Variants in KCNH7 observed in about 807,000 individuals in gnomAD.
KCNH7 encodes voltage-gated inwardly rectifying potassium channel KCNH7.
In KCNH7, 49 loss-of-function variants were observed where a neutral mutation model predicts 120.8. The observed-to-expected ratio is 0.41, with a 90% confidence interval of 0.32 to 0.51. The LOEUF is 0.51. KCNH7 is among the 20% of genes least tolerant of loss of function. The probability of loss-of-function intolerance (pLI) is 0.38; values close to 1 mark genes in which losing one functional copy is unlikely to be tolerated. For missense variants in KCNH7, 1,097 were observed against 1,446.6 expected (o/e 0.76, Z 3.92); for synonymous variants, 547 against 516.1 (o/e 1.06, Z -0.81).
rs185660287 is a variant in KCNH7 at position 162,494,721 on chromosome 2, A to T, written c.1128+9722T>A. Among the ~76,000 whole-genome samples, 802 of 152,228 alleles carry T rather than the reference A, an allele frequency of 5.3e-3. 10 individuals are homozygous for T. Among genetic ancestry groups the T allele is most frequent in the Middle Eastern group, 6.8e-3 (2 of 294 alleles). ...GTCTTGCTTTGATCCTTTCCAAAAA[A>T]TGGTTTATAATCAGATATAGGACTT... On this transcript the variant is annotated intron_variant, in intron 6 of 15. Coordinates refer to ENST00000332142, the MANE Select transcript of KCNH7 (RefSeq NM_033272.4).
intron 14 of KCNH7, among the ~76,000 whole-genome samples, chr2:162,377,264 CA>C (rs553339964): frequency 0.075 from 8,547 of 114,590 alleles, 460 homozygotes; most frequent in African/African-American, 0.18. Flanking sequence ...CCCAAACGAG[CA>C]AAAAAAAAAA....
At chr2:162,512,083 C>T (rs1691098773) in intron 5 of KCNH7, among the ~76,000 whole-genome samples, 1 of 151,330 alleles carries the variant, frequency 6.6e-6, no homozygotes, top group South Asian at 2.1e-4. Flanking sequence ...GTAGGTCATG[C>T]CAGTGATTTC....
intron 9 of KCNH7, among the ~76,000 whole-genome samples, chr2:162,418,211 G>A (rs1573934067): frequency 6.6e-6 from 1 of 152,028 alleles, no homozygotes; most frequent in Non-Finnish European, 1.5e-5. Flanking sequence ...AAACCAAAAG[G>A]TGTTGCCAGT....
intron 2 of KCNH7, among the ~76,000 whole-genome samples, chr2:162,697,951 G>A (rs1179031993): frequency 1.3e-5 from 2 of 151,892 alleles, no homozygotes; most frequent in East Asian, 3.9e-4. Context: ...TTCCCAAATT[G>A]GACTTCCAAT....
intron 2 of KCNH7, among the ~76,000 whole-genome samples, chr2:162,680,793 A>G (rs1223968841): frequency 1.3e-5 from 2 of 151,662 alleles, no homozygotes; most frequent in African/African-American, 4.8e-5. Flanking sequence ...ACTAGTGTCT[A>G]CTTTATAAAA....
intron 2 of KCNH7, among the ~76,000 whole-genome samples, chr2:162,832,848 T>G (rs1287385939): frequency 1.3e-5 from 2 of 152,164 alleles, no homozygotes; most frequent in Non-Finnish European, 2.9e-5. Flanking sequence ...CTTCTGAGTT[T>G]ACTTAATCAA....
At chr2:162,481,511 T>G (rs1224519677) in intron 6 of KCNH7, among the ~76,000 whole-genome samples, 2 of 152,160 alleles carry the variant, frequency 1.3e-5, no homozygotes, top group African/African-American at 4.8e-5. Context: ...ACAATTCAGT[T>G]CAGGATGGTC....
At chr2:162,583,950 T>G (rs1453153714) in intron 2 of KCNH7, among the ~76,000 whole-genome samples, 1 of 152,076 alleles carries the variant, frequency 6.6e-6, no homozygotes, top group Non-Finnish European at 1.5e-5. Flanking sequence ...CTTTCAGATT[T>G]TAGAAAGGGC....
chr2:162,489,167 C>T (rs553404157), intron 6 of KCNH7, among the ~76,000 whole-genome samples: 114 of 152,208 alleles, frequency 7.5e-4, no homozygotes, highest in African/African-American at 2.7e-3. Context: ...TTTCAAGAAA[C>T]ACACACTCTT....
intron 2 of KCNH7, among the ~76,000 whole-genome samples, chr2:162,758,816 A>G (rs1348080713): frequency 6.6e-6 from 1 of 152,186 alleles, no homozygotes; most frequent in Admixed American, 6.6e-5. Flanking sequence ...CAAATAAGCA[A>G]TAACAACTTT....
intron 2 of KCNH7, among the ~76,000 whole-genome samples, chr2:162,594,730 T>C (rs1268161749): frequency 1.3e-5 from 2 of 152,038 alleles, no homozygotes; most frequent in East Asian, 1.9e-4. Flanking sequence ...ACAATTTACA[T>C]AGTATTTACA....
intron 2 of KCNH7, among the ~76,000 whole-genome samples, chr2:162,739,031 C>T (rs78618724): frequency 0.019 from 2,894 of 152,220 alleles, 60 homozygotes; most frequent in African/African-American, 0.059. Context: ...ACAACCTGTG[C>T]GGGAGCTCAA....
At chr2:162,533,113 A>C (rs984765552) in intron 3 of KCNH7, among the ~76,000 whole-genome samples, 1 of 152,022 alleles carries the variant, frequency 6.6e-6, no homozygotes, top group South Asian at 2.1e-4. Context: ...GAAAGAGTTA[A>C]GGAGAGTATA....
chr2:162,527,498 T>C (rs1691750684), intron 3 of KCNH7, among the ~76,000 whole-genome samples: 1 of 152,014 alleles, frequency 6.6e-6, no homozygotes, highest in Admixed American at 6.6e-5. Context: ...AAAACTGAGA[T>C]ACAAATTTGA....
Position 162,371,477 on chromosome 2 carries a change from G to A in KCNH7, c.*352C>T. 1 of 1,253,188 alleles carries A rather than the reference G, an allele frequency of 8.0e-7. No individual in the cohort carries two copies. Among genetic ancestry groups the A allele is most frequent in the Non-Finnish European group, 1.0e-6 (1 of 970,722 alleles). The allele number at this position is 1,253,188 out of a possible 1,614,324, so 77.6% of individuals were successfully genotyped here. On this transcript the variant is annotated 3_prime_UTR_variant, in exon 16 of 16. Coordinates refer to ENST00000332142, the MANE Select transcript of KCNH7 (RefSeq NM_033272.4). The stretch of plus-strand genomic sequence containing the variant: ...TTATCCCTTGGTTTCTTATTTGCGT[G>A]GAAGGCATTTTCATAACGAAGTACT...
intron 2 of KCNH7, among the ~76,000 whole-genome samples, chr2:162,550,139 G>C (rs185477200): frequency 6.6e-6 from 1 of 152,132 alleles, no homozygotes. Context: ...TAGAGACATC[G>C]AATGGTATTT....
In KCNH7 at chr2:162,423,372, G is replaced by A; in HGVS notation, c.2118C>T (p.His706=). Residue 706 remains histidine, a synonymous_variant, in exon 9 of 16, where the codon CAC becomes CAT. Coordinates refer to ENST00000332142, the MANE Select transcript of KCNH7 (RefSeq NM_033272.4). The stretch of plus-strand genomic sequence containing the variant: ...CAATGCCATTGGTGTAAGTCCATGC[G>A]TGCTGGAAATATTCTTCAAGACGTT... ...LRQRLEEYFQ[H]AWTYTNGIDM... The A allele has an allele frequency of 1.2e-6, 2 of 1,614,108 alleles. No individual in the cohort carries two copies. Among genetic ancestry groups the A allele is most frequent in the Non-Finnish European group, 1.7e-6 (2 of 1,179,960 alleles).
chr2:162,404,678 G>A (rs1687156750), intron 9 of KCNH7, among the ~76,000 whole-genome samples: 1 of 151,892 alleles, frequency 6.6e-6, no homozygotes, highest in Admixed American at 6.6e-5. Flanking sequence ...CTCTGCAGGA[G>A]CCGAGCAGAT....
At chr2:162,460,227 T>C (rs1305382298) in intron 6 of KCNH7, among the ~76,000 whole-genome samples, 1 of 152,062 alleles carries the variant, frequency 6.6e-6, no homozygotes, top group Non-Finnish European at 1.5e-5. Flanking sequence ...GGAATGCTTC[T>C]GTGGGGAATG....
Sources: allele counts gnomAD v4.1 joint callset (sites outside exome capture counted in the v4.1 genomes callset), GRCh38; gene constraint gnomAD v4.1.1; transcripts MANE v1.5; gene names NCBI Gene and HGNC (gene_info 2026-07-23, HGNC 2026-07-21).